SLC35F1: variants seen among roughly 807,000 people sequenced by gnomAD.
SLC35F1 encodes the protein chromosome 6 open reading frame 169.
Under a neutral mutation model 48.7 loss-of-function variants are expected in SLC35F1, and 14 were observed. That is an observed-to-expected ratio of 0.29 (90% CI 0.19 to 0.45). The LOEUF (loss-of-function observed/expected upper bound fraction) is 0.45. Among genes scored for constraint, SLC35F1 ranks in the 20% least tolerant of loss-of-function variants. The pLI, the probability that SLC35F1 is intolerant of heterozygous loss-of-function variation, is 1.00. For missense variants in SLC35F1, 404 were observed against 500.0 expected (o/e 0.81, Z 1.83); for synonymous variants, 190 against 202.2 (o/e 0.94, Z 0.51).
intron 1 of SLC35F1, among the ~76,000 whole-genome samples, chr6:117,966,131 G>GGCCCCC (rs1184701438): frequency 3.0e-5 from 3 of 101,168 alleles, no homozygotes; most frequent in African/African-American, 4.2e-5. Flanking sequence ...GCAGGCCACC[G>GGCCCCC]CCCCCCCCCC....
chr6:118,112,362 T>C (rs1773419830), intron 1 of SLC35F1, among the ~76,000 whole-genome samples: 1 of 152,144 alleles, frequency 6.6e-6, no homozygotes, highest in Non-Finnish European at 1.5e-5. Flanking sequence ...TCACAAACCC[T>C]TGTAGCAGAG....
chr6:118,184,711 T>C (rs1283813172), intron 2 of SLC35F1, among the ~76,000 whole-genome samples: 4 of 152,234 alleles, frequency 2.6e-5, no homozygotes, highest in African/African-American at 9.6e-5. Flanking sequence ...TAGTGTGTGA[T>C]GTCTGTGGGT....
rs1328694422 is a variant in SLC35F1 at position 117,995,833 on chromosome 6, A to T, written c.173+87934A>T. Among the ~76,000 whole-genome samples, 6 of 152,244 alleles carry T rather than the reference A, an allele frequency of 3.9e-5. No homozygotes were observed. In the South Asian group the frequency reaches 1.2e-3, roughly 32 times the overall value. On this transcript the variant is annotated intron_variant, in intron 1 of 7. Transcript: ENST00000360388. ...TTAAGAAATGGCCAAATCCATTTTA[A>T]TTGGACATAGATTGGATGGATTATA...
intron 6 of SLC35F1, among the ~76,000 whole-genome samples, chr6:118,280,119 T>C (rs1562349064): frequency 6.6e-6 from 1 of 152,226 alleles, no homozygotes; most frequent in Non-Finnish European, 1.5e-5. Flanking sequence ...TTATTGTTGT[T>C]TGTTTTTATT....
intron 1 of SLC35F1, among the ~76,000 whole-genome samples, chr6:118,048,199 T>C (rs1394245781): frequency 6.6e-6 from 1 of 152,240 alleles, no homozygotes; most frequent in Non-Finnish European, 1.5e-5. Context: ...GATTTGCGTA[T>C]GTTAAACCAG....
chr6:117,927,155 A>C (rs998108524), intron 1 of SLC35F1, among the ~76,000 whole-genome samples: 2 of 152,216 alleles, frequency 1.3e-5, no homozygotes, highest in African/African-American at 2.4e-5. Context: ...TAATATATTT[A>C]TAGTTCTTGG....
intron 7 of SLC35F1, among the ~76,000 whole-genome samples, chr6:118,304,030 G>A (rs1377148534): frequency 6.6e-6 from 1 of 152,144 alleles, no homozygotes; most frequent in African/African-American, 2.4e-5. Flanking sequence ...AGGCTCCAGG[G>A]ATTAAGATGT....
chr6:118,040,865 C>T (rs1486229075), intron 1 of SLC35F1, among the ~76,000 whole-genome samples: 1 of 151,268 alleles, frequency 6.6e-6, no homozygotes, highest in African/African-American at 2.4e-5. Context: ...AACCCCCAAA[C>T]CTAAACTTTA....
rs751657622 is a variant in SLC35F1, at chr6:118,314,203, C to G, written c.1178C>G (p.Thr393Ser). The G allele has an allele frequency of 2.5e-6, 4 of 1,614,088 alleles. No homozygotes were observed. In the East Asian group the frequency reaches 6.7e-5, roughly 27 times the overall value. ...CAGGTGGAACCCTCAGTCACCTACA[C>G]CAGCCTGGGCCAGGAGACCGAAGAG... ...TAQVEPSVTY[T>S]SLGQETEEEP... Residue 393 changes from threonine to serine, a missense_variant, in exon 8 of 8, where the codon ACC (threonine) becomes AGC (serine). Transcript: ENST00000360388.
chr6:118,038,233 A>G (rs2114899238), intron 1 of SLC35F1, among the ~76,000 whole-genome samples: 1 of 152,236 alleles, frequency 6.6e-6, no homozygotes, highest in South Asian at 2.1e-4. Flanking sequence ...TTTAAGTGGA[A>G]AAACCCATAG....
chr6:118,275,706 T>C, intron 5 of SLC35F1, 91 bp downstream of exon 5: 4 of 1,273,372 alleles, frequency 3.1e-6, no homozygotes, highest in Non-Finnish European at 3.3e-6. Context: ...AAATCAAGGC[T>C]GGAATCCAGA....
intron 1 of SLC35F1, among the ~76,000 whole-genome samples, chr6:117,930,205 T>C (rs1018662216): frequency 7.9e-5 from 12 of 152,240 alleles, no homozygotes; most frequent in African/African-American, 2.9e-4. Context: ...TATTGTCTTA[T>C]GTCCTCAGGA....
chr6:117,909,862 G>T (rs182038766), intron 1 of SLC35F1, among the ~76,000 whole-genome samples: 85 of 152,228 alleles, frequency 5.6e-4, no homozygotes, highest in Admixed American at 3.7e-3. Context: ...GTGTATAGAG[G>T]AGGAACTTAT....
chr6:118,153,593 G>C (rs1774095188), intron 1 of SLC35F1, among the ~76,000 whole-genome samples: 1 of 152,080 alleles, frequency 6.6e-6, no homozygotes, highest in East Asian at 1.9e-4. Context: ...AAAGCATGTG[G>C]GTGTATGTGA....
chr6:118,056,095 T>C (rs566978072), intron 1 of SLC35F1, among the ~76,000 whole-genome samples: 33 of 152,324 alleles, frequency 2.2e-4, no homozygotes, highest in African/African-American at 7.5e-4. Context: ...ATTTGAACCA[T>C]TTGTGAAACT....
intron 1 of SLC35F1, among the ~76,000 whole-genome samples, chr6:118,151,354 C>G (rs1373133725): frequency 6.6e-5 from 10 of 152,128 alleles, no homozygotes; most frequent in Admixed American, 6.6e-4. Flanking sequence ...CCTCCCTATC[C>G]CACTCTGATC....
Position 118,275,596 on chromosome 6 carries a change from T to C in SLC35F1, c.775T>C (p.Phe259Leu), listed in dbSNP as rs1171538545. ...FLGMIGLFGA[F>L]FSGIQLAIME... Reference sequence around the variant, plus strand: ...GGGAATGATTGGTCTCTTTGGAGCATTTTTCAGTGGAATTCAATTGTGAGT... The same window carrying C: ...GGGAATGATTGGTCTCTTTGGAGCACTTTTCAGTGGAATTCAATTGTGAGT... The change falls in exon 5 of 8, where the codon TTT becomes CTT. Residue 259 changes from phenylalanine to leucine, a missense_variant. Coordinates refer to ENST00000360388, the MANE Select transcript of SLC35F1 (RefSeq NM_001029858.4). 6.2e-7 allele frequency: 1 copy of C among 1,613,066 alleles called. No homozygotes were observed. Among genetic ancestry groups the C allele is most frequent in the East Asian group, 2.2e-5 (1 of 44,810 alleles).
intron 1 of SLC35F1, among the ~76,000 whole-genome samples, chr6:118,026,073 A>G (rs1771939581): frequency 6.6e-6 from 1 of 152,192 alleles, no homozygotes; most frequent in Admixed American, 6.5e-5. Flanking sequence ...TCAGCCTCCA[A>G]GCTAGTAGGT....
chr6:118,068,964 C>T (rs545652584), intron 1 of SLC35F1, among the ~76,000 whole-genome samples: 1 of 152,004 alleles, frequency 6.6e-6, no homozygotes, highest in Non-Finnish European at 1.5e-5. Flanking sequence ...TTTTGTTAAC[C>T]ACAGAAATAT....
Sources: gnomAD v4.1 joint callset for allele counts (sites outside exome capture counted in the v4.1 genomes callset) on GRCh38, gnomAD v4.1.1 for gene constraint, MANE v1.5 for transcripts, NCBI Gene and HGNC (gene_info 2026-07-23, HGNC 2026-07-21) for gene names.